The following STX8 variants were observed in gnomAD, a reference collection of about 807,000 sequenced individuals.
The protein encoded by STX8 is syntaxin-8.
A neutral mutation model predicts 37.5 loss-of-function variants in STX8; 23 were observed. The ratio of observed to expected loss-of-function variants is 0.61; its 90% CI spans 0.44 to 0.87. The LOEUF is 0.87. Ranked by LOEUF, STX8 falls within the 40% of genes least tolerant of loss-of-function variation. STX8 has a pLI of 0.00. For missense variants in STX8, 313 were observed against 284.7 expected (o/e 1.10, Z -0.71); for synonymous variants, 115 against 99.1 (o/e 1.16, Z -0.95).
At chr17:9,264,531 C>G (rs1907161681) in intron 7 of STX8, among the ~76,000 whole-genome samples, 1 of 152,078 alleles carries the variant, frequency 6.6e-6, no homozygotes, top group African/African-American at 2.4e-5. Context: ...TCTCAAACTC[C>G]TGGGCTCAAG....
At chr17:9,387,685 C>A (rs1426942080) in intron 6 of STX8, among the ~76,000 whole-genome samples, 2 of 152,200 alleles carry the variant, frequency 1.3e-5, no homozygotes, top group Admixed American at 1.3e-4. Flanking sequence ...GTAGTTGACT[C>A]TGAGCTTGGT....
intron 6 of STX8, among the ~76,000 whole-genome samples, chr17:9,424,967 A>G (rs553035633): frequency 6.6e-6 from 1 of 152,338 alleles, no homozygotes; most frequent in African/African-American, 2.4e-5. Context: ...AAAGTGCCAG[A>G]GTGTAGAGGA....
rs147531315 is a variant in STX8 at position 9,312,515 on chromosome 17, T to C, written c.644-61870A>G. Among the ~76,000 whole-genome samples, 6 of 152,302 alleles carry C rather than the reference T, an allele frequency of 3.9e-5. No individual in the cohort carries two copies. In the East Asian group the frequency reaches 1.2e-3, roughly 29 times the overall value. Reference sequence around the variant, plus strand: ...CGCGTCTGGCAAGCATGAGACATTTTAAGGGATATCATAAAAGATAGTAAA... The same window carrying C: ...CGCGTCTGGCAAGCATGAGACATTTCAAGGGATATCATAAAAGATAGTAAA... On this transcript the variant is annotated intron_variant, in intron 7 of 7. Coordinates refer to ENST00000306357, the MANE Select transcript of STX8 (RefSeq NM_004853.3).
rs191502782 is a variant in STX8, at chr17:9,345,444, C to T, written c.643+33108G>A. Among the ~76,000 whole-genome samples, 1,516 of 152,288 alleles carry T rather than the reference C, an allele frequency of 1.0e-2. 26 individuals carry two copies. Among genetic ancestry groups the T allele is most frequent in the African/African-American group, 0.034 (1,414 of 41,558 alleles). On this transcript the variant is annotated intron_variant, in intron 7 of 7. Transcript: ENST00000306357. ...GGATTACAGGTGTGAGCCACCATGC[C>T]TGGCCACATATCTCATTTTCTTTAC... is the stretch of plus-strand genomic sequence containing the variant.
intron 4 of STX8, among the ~76,000 whole-genome samples, chr17:9,527,755 G>A (rs1294013151): frequency 1.3e-5 from 2 of 152,186 alleles, no homozygotes; most frequent in Non-Finnish European, 2.9e-5. Context: ...TTTAAGGAAA[G>A]GGGCCCTCAC....
intron 6 of STX8, among the ~76,000 whole-genome samples, chr17:9,407,889 G>A (rs1306848068): frequency 6.6e-6 from 1 of 152,146 alleles, no homozygotes; most frequent in Non-Finnish European, 1.5e-5. Context: ...TCAGATCTTA[G>A]TTAATCTCTT....
At chr17:9,299,678 C>T (rs1908697359) in intron 7 of STX8, among the ~76,000 whole-genome samples, 1 of 152,030 alleles carries the variant, frequency 6.6e-6, no homozygotes, top group Admixed American at 6.6e-5. Context: ...CTCCTGCCCT[C>T]GTGATCTACT....
intron 4 of STX8, among the ~76,000 whole-genome samples, chr17:9,542,474 G>A (rs539878213): frequency 5.3e-4 from 81 of 151,982 alleles, no homozygotes; most frequent in Non-Finnish European, 7.9e-4. Flanking sequence ...TCAGGAAATC[G>A]AGACCATCCT....
intron 7 of STX8, among the ~76,000 whole-genome samples, chr17:9,353,459 G>A (rs1910775970): frequency 1.3e-5 from 2 of 152,102 alleles, no homozygotes; most frequent in South Asian, 4.1e-4. Flanking sequence ...GTTAAAGTGG[G>A]CAATGTATTT....
chr17:9,449,984 T>G (rs1473048214), intron 6 of STX8, among the ~76,000 whole-genome samples: 1 of 151,730 alleles, frequency 6.6e-6, no homozygotes, highest in Non-Finnish European at 1.5e-5. Context: ...TAAAGGAGAA[T>G]GAAAGAACCT....
intron 7 of STX8, among the ~76,000 whole-genome samples, chr17:9,368,494 A>AAAAC (rs372111521): frequency 1.3e-5 from 2 of 152,118 alleles, no homozygotes; most frequent in East Asian, 1.9e-4. Context: ...CTCCATCTCA[A>AAAAC]AAACAAACAA....
At chr17:9,458,344 T>A (rs1392554479) in intron 6 of STX8, among the ~76,000 whole-genome samples, 5 of 152,040 alleles carry the variant, frequency 3.3e-5, no homozygotes, top group Non-Finnish European at 7.4e-5. Flanking sequence ...AGAGATGGGG[T>A]TTCACCGTGT....
intron 7 of STX8, among the ~76,000 whole-genome samples, chr17:9,309,847 T>G (rs1024190370): frequency 2.0e-5 from 3 of 152,200 alleles, no homozygotes; most frequent in Non-Finnish European, 4.4e-5. Flanking sequence ...AAATAGGGTC[T>G]TACTGACTTC....
chr17:9,502,677 T>G (rs1904662980), intron 5 of STX8, among the ~76,000 whole-genome samples: 1 of 152,198 alleles, frequency 6.6e-6, no homozygotes, highest in Admixed American at 6.5e-5. Flanking sequence ...TACAAAGTCT[T>G]ATACATGAAT....
intron 6 of STX8, among the ~76,000 whole-genome samples, chr17:9,387,115 A>T (rs918617740): frequency 1.3e-5 from 2 of 152,188 alleles, no homozygotes; most frequent in African/African-American, 4.8e-5. Context: ...AAAGATACTT[A>T]GATCCAAACT....
In STX8 at chr17:9,575,233, C is replaced by G. The variant is rs1002202550; in HGVS notation, c.17+559G>C. On this transcript the variant is annotated intron_variant, in intron 1 of 7. Coordinates refer to ENST00000306357, the MANE Select transcript of STX8 (RefSeq NM_004853.3). ...AAAGGAAAAGACTTCATGATATTAACTCAAGAAAGTGCAAAATGCCTTATA... is the reference window on the plus strand; with the variant it reads ...AAAGGAAAAGACTTCATGATATTAAGTCAAGAAAGTGCAAAATGCCTTATA... Among the ~76,000 whole-genome samples, 28 of 152,182 alleles carry G rather than the reference C, an allele frequency of 1.8e-4. 1 individual carries two copies. The highest frequency in any genetic ancestry group is 6.5e-5 in the Admixed American group (1 of 15,272).
intron 7 of STX8, among the ~76,000 whole-genome samples, chr17:9,342,395 G>C (rs1910390238): frequency 6.6e-6 from 1 of 152,156 alleles, no homozygotes; most frequent in Non-Finnish European, 1.5e-5. Context: ...TAGTGTTTCA[G>C]GATGATCCAG....
intron 4 of STX8, among the ~76,000 whole-genome samples, chr17:9,541,350 C>T (rs1322820640): frequency 6.6e-6 from 1 of 152,140 alleles, no homozygotes; most frequent in African/African-American, 2.4e-5. Context: ...TGGGGTCAGA[C>T]AGACCACGTC....
At chr17:9,348,864 GAA>G (rs1455978546) in intron 7 of STX8, among the ~76,000 whole-genome samples, 1 of 152,208 alleles carries the variant, frequency 6.6e-6, no homozygotes, top group Admixed American at 6.5e-5. Context: ...GGTCTTCAGA[GAA>G]AAGCTTATAC....
Sources: gnomAD v4.1 joint callset for allele counts (sites outside exome capture counted in the v4.1 genomes callset) on GRCh38, gnomAD v4.1.1 for gene constraint, MANE v1.5 for transcripts, NCBI Gene and HGNC (gene_info 2026-07-23, HGNC 2026-07-21) for gene names.